Variants in KLHL1 observed in about 807,000 individuals in gnomAD.
KLHL1 encodes the protein kelch-like protein 1.
A neutral mutation model predicts 77.7 loss-of-function variants in KLHL1; 47 were observed. That is an observed-to-expected ratio of 0.60 (90% CI 0.48 to 0.77). KLHL1 has a LOEUF of 0.77. KLHL1 is among the 30% of genes least tolerant of loss of function. The pLI, the probability that KLHL1 is intolerant of heterozygous loss-of-function variation, is 0.00. For synonymous variants in KLHL1, 360 were observed against 325.2 expected (o/e 1.11, Z -1.15); for missense variants, 925 against 910.8 (o/e 1.02, Z -0.20).
chr13:69,781,253 A>ATATG (rs2138004647), intron 7 of KLHL1, among the ~76,000 whole-genome samples: 1 of 149,512 alleles, frequency 6.7e-6, no homozygotes, highest in Non-Finnish European at 1.5e-5. Context: ...TAACACTAGA[A>ATATG]TATGCTTCTT....
intron 5 of KLHL1, among the ~76,000 whole-genome samples, chr13:69,872,258 A>AG (rs1880613314): frequency 6.6e-6 from 1 of 152,136 alleles, no homozygotes; most frequent in Admixed American, 6.5e-5. Flanking sequence ...GTAAGTACAT[A>AG]GGGGGGACTC....
At chr13:69,931,654 A>T (rs1182728009) in intron 4 of KLHL1, among the ~76,000 whole-genome samples, 1 of 151,740 alleles carries the variant, frequency 6.6e-6, no homozygotes, top group Non-Finnish European at 1.5e-5. Flanking sequence ...ACTAGGTTTT[A>T]TATTTGTTCC....
intron 7 of KLHL1, among the ~76,000 whole-genome samples, chr13:69,763,672 C>A (rs147327638): frequency 6.6e-6 from 1 of 152,274 alleles, no homozygotes; most frequent in Non-Finnish European, 1.5e-5. Flanking sequence ...AGGTGAGAAC[C>A]TGACCAAAAA....
intron 1 of KLHL1, among the ~76,000 whole-genome samples, chr13:70,063,123 A>G (rs942978539): frequency 1.3e-5 from 2 of 152,130 alleles, no homozygotes; most frequent in African/African-American, 2.4e-5. Flanking sequence ...TTAATTCCAC[A>G]GTGGTTCCAA....
At chr13:70,015,142 G>A (rs147728323) in intron 1 of KLHL1, among the ~76,000 whole-genome samples, 3,605 of 152,126 alleles carry the variant, frequency 0.024, 58 homozygotes, top group Non-Finnish European at 0.036. Flanking sequence ...CTAAATGATG[G>A]GGATATGTTC....
chr13:69,718,069 T>C (rs1872855458), intron 9 of KLHL1, among the ~76,000 whole-genome samples: 1 of 152,058 alleles, frequency 6.6e-6, no homozygotes, highest in South Asian at 2.1e-4. Context: ...TAATTACTCA[T>C]CCTTAGAAAA....
chr13:69,705,354 A>G (rs759478639), intron 10 of KLHL1, among the ~76,000 whole-genome samples: 1 of 151,726 alleles, frequency 6.6e-6, no homozygotes, highest in Non-Finnish European at 1.5e-5. Context: ...AAAAGCACAA[A>G]ACTGTTAATC....
At chr13:69,826,574 G>C (rs2138087952) in intron 6 of KLHL1, among the ~76,000 whole-genome samples, 1 of 149,122 alleles carries the variant, frequency 6.7e-6, no homozygotes. Context: ...GAGCAAAACT[G>C]TCTCAAAGAA....
intron 1 of KLHL1, among the ~76,000 whole-genome samples, chr13:70,046,780 C>T (rs908870079): frequency 1.3e-5 from 2 of 152,094 alleles, no homozygotes; most frequent in African/African-American, 4.8e-5. Flanking sequence ...TTCCAAAGTG[C>T]TGGAATTAAA....
intron 1 of KLHL1, among the ~76,000 whole-genome samples, chr13:70,026,165 G>A (rs969316333): frequency 6.6e-6 from 1 of 151,974 alleles, no homozygotes; most frequent in African/African-American, 2.4e-5. Flanking sequence ...CTAGGTAAAT[G>A]GACATTTGAT....
At chr13:70,099,427 A>C (rs1487683982) in intron 1 of KLHL1, among the ~76,000 whole-genome samples, 2 of 151,900 alleles carry the variant, frequency 1.3e-5, no homozygotes, top group African/African-American at 2.4e-5. Flanking sequence ...CTAGAAAAGT[A>C]TTTTGACTTC....
chr13:69,879,948 G>A (rs1593912948), intron 5 of KLHL1, among the ~76,000 whole-genome samples: 1 of 152,176 alleles, frequency 6.6e-6, no homozygotes, highest in South Asian at 2.1e-4. Context: ...AGAAATAAAT[G>A]AATGCCTTTA....
At chr13:69,916,549 A>T (rs554562358) in intron 4 of KLHL1, among the ~76,000 whole-genome samples, 1 of 151,704 alleles carries the variant, frequency 6.6e-6, no homozygotes, top group African/African-American at 2.4e-5. Context: ...ATGAGAACAC[A>T]TGGACAGAGG....
intron 5 of KLHL1, among the ~76,000 whole-genome samples, chr13:69,878,731 G>A (rs1030479826): frequency 1.3e-5 from 2 of 151,674 alleles, no homozygotes; most frequent in Non-Finnish European, 2.9e-5. Context: ...GAGAGAGAGA[G>A]AGAGTGAGAG....
At chr13:70,057,895 T>C (rs904600710) in intron 1 of KLHL1, among the ~76,000 whole-genome samples, 4 of 151,916 alleles carry the variant, frequency 2.6e-5, no homozygotes, top group African/African-American at 4.8e-5. Flanking sequence ...CAAACCAAAT[T>C]TGACAACACA....
At chr13:69,833,856 T>TACACAC (rs35739445) in intron 6 of KLHL1, among the ~76,000 whole-genome samples, 1 of 143,966 alleles carries the variant, frequency 6.9e-6, no homozygotes, top group Non-Finnish European at 1.5e-5. Flanking sequence ...CACACATATA[T>TACACAC]ACACACACAC....
At chr13:70,021,538 T>C (rs1395532822) in intron 1 of KLHL1, among the ~76,000 whole-genome samples, 1 of 152,122 alleles carries the variant, frequency 6.6e-6, no homozygotes. Context: ...GAAAGCATGA[T>C]TGCTGAATCT....
chr13:69,986,992 T>G (rs1189794600), intron 1 of KLHL1, among the ~76,000 whole-genome samples: 1 of 145,680 alleles, frequency 6.9e-6, no homozygotes, highest in Non-Finnish European at 1.5e-5. Context: ...TAACTGTACT[T>G]TTTTTAGATC....
intron 7 of KLHL1, among the ~76,000 whole-genome samples, chr13:69,754,224 A>G (rs916673177): frequency 3.3e-5 from 5 of 152,124 alleles, no homozygotes; most frequent in African/African-American, 9.7e-5. Context: ...ATGAGACTCA[A>G]TATAATTTTC....
Sources: allele counts gnomAD v4.1 joint callset (sites outside exome capture counted in the v4.1 genomes callset), GRCh38; gene constraint gnomAD v4.1.1; transcripts MANE v1.5; gene names NCBI Gene and HGNC (gene_info 2026-07-23, HGNC 2026-07-21).